UBE2E3: variants seen among roughly 807,000 people sequenced by gnomAD.
UBE2E3 encodes the protein ubiquitin-conjugating enzyme E2 E3.
A neutral mutation model predicts 23.6 loss-of-function variants in UBE2E3; 5 were observed. That is an observed-to-expected ratio of 0.21 (90% CI 0.11 to 0.44). The LOEUF (loss-of-function observed/expected upper bound fraction) is 0.44, where lower values mean the gene tolerates loss of function less well. Ranked by LOEUF, UBE2E3 falls within the 20% of genes least tolerant of loss-of-function variation. The pLI is 0.99. For synonymous variants in UBE2E3, 78 were observed against 87.5 expected, an observed-to-expected ratio of 0.89 and a Z score of 0.60; for missense variants, 81 against 249.8, an observed-to-expected ratio of 0.32 and a Z score of 4.55.
At chr2:181,036,403 A>G (rs183610871) in intron 3 of UBE2E3, among the ~76,000 whole-genome samples, 8 of 152,354 alleles carry the variant, frequency 5.3e-5, no homozygotes, top group Admixed American at 3.9e-4. Flanking sequence ...TCAACATTGT[A>G]TTGTACTTAC....
At chr2:181,024,564 T>TAA (rs1226078468) in intron 3 of UBE2E3, among the ~76,000 whole-genome samples, 2 of 152,116 alleles carry the variant, frequency 1.3e-5, no homozygotes, top group Non-Finnish European at 2.9e-5. Context: ...ACTTTTAATA[T>TAA]ATGTGATTAT....
At chr2:181,045,693 T>G (rs1686653522) in intron 3 of UBE2E3, among the ~76,000 whole-genome samples, 1 of 152,126 alleles carries the variant, frequency 6.6e-6, no homozygotes, top group South Asian at 2.1e-4. Flanking sequence ...GCAGCCAAGG[T>G]TGGGACCCAT....
At chr2:181,038,319 C>T (rs913089588) in intron 3 of UBE2E3, among the ~76,000 whole-genome samples, 1 of 152,122 alleles carries the variant, frequency 6.6e-6, no homozygotes, top group Non-Finnish European at 1.5e-5. Flanking sequence ...ATAGGCTATA[C>T]CATATAACCT....
At chr2:181,024,210 CCAAGATG>C (rs913040066) in intron 3 of UBE2E3, among the ~76,000 whole-genome samples, 9 of 152,076 alleles carry the variant, frequency 5.9e-5, no homozygotes, top group African/African-American at 2.2e-4. Context: ...TTGTCTTCTT[CCAAGATG>C]AGCCTCTTGA....
intron 3 of UBE2E3, among the ~76,000 whole-genome samples, chr2:181,021,298 A>G (rs1449470042): frequency 1.3e-5 from 2 of 151,198 alleles, no homozygotes; most frequent in Non-Finnish European, 2.9e-5. Context: ...TCTTTATCCG[A>G]GTGTTAAAAA....
At chr2:180,984,933 T>C (rs1015510435) in intron 3 of UBE2E3, among the ~76,000 whole-genome samples, 5 of 152,168 alleles carry the variant, frequency 3.3e-5, no homozygotes, top group African/African-American at 7.2e-5. Context: ...TGAAGAGATA[T>C]GTGCTCAATA....
At chr2:180,990,115 TC>T in intron 3 of UBE2E3, 1 of 947,618 alleles carries the variant, frequency 1.1e-6, no homozygotes, top group Non-Finnish European at 1.5e-6. Context: ...TTTTAACCTT[TC>T]TTTTGCCTTT....
intron 3 of UBE2E3, among the ~76,000 whole-genome samples, chr2:181,039,333 A>G (rs1686403220): frequency 6.6e-6 from 1 of 152,106 alleles, no homozygotes; most frequent in African/African-American, 2.4e-5. Context: ...CATTTGAAAA[A>G]TACAATAAAT....
chr2:181,015,162 C>G (rs1199206437), intron 3 of UBE2E3, among the ~76,000 whole-genome samples: 3 of 151,670 alleles, frequency 2.0e-5, no homozygotes, highest in Admixed American at 6.6e-5. Flanking sequence ...ATCTGGGAGA[C>G]AACAAAAAGG....
intron 3 of UBE2E3, among the ~76,000 whole-genome samples, chr2:180,994,121 T>G (rs1347635950): frequency 6.6e-6 from 1 of 152,166 alleles, no homozygotes; most frequent in Admixed American, 6.5e-5. Context: ...TTGTAAAATT[T>G]TAAAAGACAT....
intron 3 of UBE2E3, among the ~76,000 whole-genome samples, chr2:181,052,856 A>G (rs777063510): frequency 5.3e-5 from 8 of 151,488 alleles, no homozygotes; most frequent in East Asian, 1.9e-4. Flanking sequence ...CCATTTTCCT[A>G]TCTGCTGTGA....
intron 3 of UBE2E3, among the ~76,000 whole-genome samples, chr2:181,006,241 C>T (rs546540084): frequency 1.1e-4 from 17 of 152,106 alleles, no homozygotes; most frequent in African/African-American, 3.6e-4. Flanking sequence ...GAAAAAATTC[C>T]CCAGTCAAGA....
At position 181,060,532 on chromosome 2, in the gene UBE2E3, A is replaced by T. The variant is rs539888565; in HGVS notation, c.379-133A>T. 9 of 991,826 alleles carry T rather than the reference A, an allele frequency of 9.1e-6. No individual in the cohort carries two copies. In the South Asian group the frequency reaches 2.6e-4, roughly 29 times the overall value. 61.4% of individuals were successfully genotyped at this position (991,826 alleles called of 1,614,324 possible). On this transcript the variant is annotated intron_variant, in intron 4 of 5. Transcript: ENST00000410062. ...TCAAAAGCATTTAATTTTGTTATTA[A>T]ACCTAATCTAAGTTTAGCTCCAGTC...
intron 3 of UBE2E3, among the ~76,000 whole-genome samples, chr2:180,992,570 C>T (rs1440419107): frequency 6.6e-6 from 1 of 152,174 alleles, no homozygotes; most frequent in African/African-American, 2.4e-5. Context: ...TATCTTGTAG[C>T]TCTGACATTT....
At chr2:181,061,731 A>C (rs1222705798) in intron 5 of UBE2E3, among the ~76,000 whole-genome samples, 2 of 151,232 alleles carry the variant, frequency 1.3e-5, no homozygotes, top group Non-Finnish European at 3.0e-5. Context: ...TGATAAAGTG[A>C]TGTTTAGACC....
At chr2:181,035,359 G>T (rs1408589662) in intron 3 of UBE2E3, among the ~76,000 whole-genome samples, 1 of 151,948 alleles carries the variant, frequency 6.6e-6, no homozygotes, top group Non-Finnish European at 1.5e-5. Flanking sequence ...CACAGCTTTT[G>T]TCATTGTCAT....
chr2:180,993,640 T>G (rs1298590860), intron 3 of UBE2E3, among the ~76,000 whole-genome samples: 1 of 152,218 alleles, frequency 6.6e-6, no homozygotes, highest in Non-Finnish European at 1.5e-5. Context: ...TTTATTCCCT[T>G]TCTGAGGATG....
chr2:181,036,666 G>A (rs1393892564), intron 3 of UBE2E3, among the ~76,000 whole-genome samples: 1 of 152,190 alleles, frequency 6.6e-6, no homozygotes, highest in Non-Finnish European at 1.5e-5. Flanking sequence ...TGTGCCCTGG[G>A]CTGCTGGAAC....
intron 3 of UBE2E3, among the ~76,000 whole-genome samples, chr2:181,029,969 GACTAC>G (rs2105644052): frequency 6.6e-6 from 1 of 151,758 alleles, no homozygotes; most frequent in Admixed American, 6.6e-5. Flanking sequence ...CCCGAGCTGG[GACTAC>G]AGGCGCCCGC....
Sources: gnomAD v4.1 joint callset for allele counts (sites outside exome capture counted in the v4.1 genomes callset) on GRCh38, gnomAD v4.1.1 for gene constraint, MANE v1.5 for transcripts, NCBI Gene and HGNC (gene_info 2026-07-23, HGNC 2026-07-21) for gene names.